Variants in SIPA1L2 observed in about 807,000 individuals in gnomAD.
SIPA1L2 encodes signal induced proliferation associated 1 like 2.
Under a neutral mutation model 163.9 loss-of-function variants are expected in SIPA1L2, and 56 were observed. That is an observed-to-expected ratio of 0.34 (90% CI 0.28 to 0.43). SIPA1L2 has a LOEUF of 0.43. Ranked by LOEUF, SIPA1L2 falls within the 20% of genes least tolerant of loss-of-function variation. SIPA1L2 has a pLI of 1.00. For synonymous variants in SIPA1L2, 877 were observed against 865.7 expected, an observed-to-expected ratio of 1.01 and a Z score of -0.23; for missense variants, 1,974 against 2,193.5, an observed-to-expected ratio of 0.90 and a Z score of 2.00.
In SIPA1L2 at chr1:232,538,789, G is replaced by C. The variant is rs138578421; in HGVS notation, c.-269-23181C>G. Among the ~76,000 whole-genome samples, 3 of 152,172 alleles carry C rather than the reference G, an allele frequency of 2.0e-5. No individual in the cohort carries two copies. The East Asian group carries it at 5.8e-4, about 29-fold the overall frequency. On this transcript the variant is annotated intron_variant, in intron 2 of 22. Transcript: ENST00000674635. ...CATGAAGGTACAATTTGAGTAGAGA[G>C]CTCAAAATTTCCCAACCATCAAGAA...
At chr1:232,622,110 T>C (rs1476829687) in intron 1 of SIPA1L2, among the ~76,000 whole-genome samples, 2 of 152,250 alleles carry the variant, frequency 1.3e-5, no homozygotes, top group African/African-American at 2.4e-5. Flanking sequence ...GGTTGATAAA[T>C]TGGATGCTTC....
Position 232,490,965 on chromosome 1 carries a change from T to C in SIPA1L2, c.1715A>G (p.Tyr572Cys). Reference sequence around the variant, plus strand: ...CTGAATGCTCAGCTCTGGAATGACGTATTCCAAAACTTCTTTGAGAGGTAG... The same window carrying C: ...CTGAATGCTCAGCTCTGGAATGACGCATTCCAAAACTTCTTTGAGAGGTAG... ...RGLPLKEVLE[Y>C]VIPELSIQCL... is the part of the protein sequence containing the mutation. The change falls in exon 5 of 23, where the codon TAC becomes TGC. Residue 572 changes from tyrosine to cysteine, a missense_variant. Physicochemically the swap from Tyr to Cys is radical, Grantham distance 194. Transcript: ENST00000674635. 1 of 1,614,172 alleles carries C rather than the reference T, an allele frequency of 6.2e-7. No individual in the cohort carries two copies. The highest frequency in any genetic ancestry group is 1.7e-5 in the Admixed American group (1 of 60,030).
chr1:232,547,128 GA>G (rs1244844037), intron 2 of SIPA1L2, among the ~76,000 whole-genome samples: 1 of 152,152 alleles, frequency 6.6e-6, no homozygotes, highest in African/African-American at 2.4e-5. Flanking sequence ...GAGGGTGGGA[GA>G]AAACTTTTCA....
At chr1:232,610,197 T>C (rs1203452152) in intron 1 of SIPA1L2, among the ~76,000 whole-genome samples, 1 of 152,242 alleles carries the variant, frequency 6.6e-6, no homozygotes, top group African/African-American at 2.4e-5. Context: ...TCTCTTCATG[T>C]TTTTTTAATA....
At chr1:232,462,273 G>A in intron 9 of SIPA1L2, 1 of 1,550,584 alleles carries the variant, frequency 6.4e-7, no homozygotes, top group Non-Finnish European at 8.7e-7. Context: ...CCTATCTGTG[G>A]GAATTTCAAG....
intron 1 of SIPA1L2, among the ~76,000 whole-genome samples, chr1:232,608,010 G>C (rs184058016): frequency 7.7e-6 from 1 of 130,216 alleles, no homozygotes. Context: ...AGCCGAGATC[G>C]CACTCCAGCC....
At chr1:232,401,479 T>TCTTA (rs1660336664) in intron 22 of SIPA1L2, among the ~76,000 whole-genome samples, 1 of 152,198 alleles carries the variant, frequency 6.6e-6, no homozygotes, top group East Asian at 1.9e-4. Context: ...CTCCCACCAC[T>TCTTA]CTTAGCTCAT....
At chr1:232,461,868 G>A (rs765238884) in intron 9 of SIPA1L2, among the ~76,000 whole-genome samples, 3 of 152,184 alleles carry the variant, frequency 2.0e-5, no homozygotes, top group Non-Finnish European at 4.4e-5. Context: ...ATGCTTGCCT[G>A]AGTGGTGAGG....
intron 1 of SIPA1L2, among the ~76,000 whole-genome samples, chr1:232,595,725 C>A (rs1661225854): frequency 6.6e-6 from 1 of 152,182 alleles, no homozygotes; most frequent in African/African-American, 2.4e-5. Flanking sequence ...GTCTGTGCTA[C>A]AAATGACCAT....
intron 22 of SIPA1L2, among the ~76,000 whole-genome samples, chr1:232,400,754 G>A (rs1205869404): frequency 6.6e-6 from 1 of 151,886 alleles, no homozygotes; most frequent in Non-Finnish European, 1.5e-5. Flanking sequence ...TGACACTCTG[G>A]CCGTTCAGCC....
intron 3 of SIPA1L2, among the ~76,000 whole-genome samples, chr1:232,511,051 G>A (rs779472599): frequency 1.9e-4 from 29 of 152,064 alleles, no homozygotes; most frequent in Admixed American, 4.6e-4. Flanking sequence ...CCTTAATTAG[G>A]AAGCCTATCT....
intron 22 of SIPA1L2, among the ~76,000 whole-genome samples, chr1:232,400,220 C>A (rs576186642): frequency 6.6e-6 from 1 of 152,290 alleles, no homozygotes; most frequent in East Asian, 1.9e-4. Context: ...GAAGCAGCTG[C>A]AGCCCACCCT....
chr1:232,587,106 T>G (rs1334310275), intron 1 of SIPA1L2, among the ~76,000 whole-genome samples: 2 of 152,220 alleles, frequency 1.3e-5, no homozygotes, highest in African/African-American at 4.8e-5. Context: ...TTGACTAATC[T>G]TTATTATGAA....
intron 11 of SIPA1L2, among the ~76,000 whole-genome samples, 174 bp downstream of exon 11, chr1:232,445,355 A>G (rs182014949): frequency 1.6e-4 from 25 of 152,262 alleles, no homozygotes; most frequent in Admixed American, 1.3e-3. Flanking sequence ...TGGGGCCAGG[A>G]GAGTGCCCGA....
chr1:232,490,504 A>T (rs146521937), intron 5 of SIPA1L2, among the ~76,000 whole-genome samples: 45 of 152,292 alleles, frequency 3.0e-4, no homozygotes, highest in African/African-American at 1.1e-3. Context: ...TGTCAGCATG[A>T]TGCCTTCCAC....
rs1053130798 is a variant in SIPA1L2, at chr1:232,445,869, C to T, written c.3096-83G>A. On this transcript the variant is annotated intron_variant, in intron 10 of 22. Coordinates refer to ENST00000674635, the MANE Select transcript of SIPA1L2 (RefSeq NM_020808.5). ...GCTTACTCACAGCTGGGCCCCTCAA[C>T]ACACATCACATGGTGTGTGCCTCTC... The T allele has an allele frequency of 5.3e-6, 8 of 1,499,732 alleles. No individual in the cohort carries two copies. The African/African-American group carries it at 5.5e-5, about 10-fold the overall frequency. The allele number at this position is 1,499,732 out of a possible 1,614,324, so 92.9% of individuals were successfully genotyped here. A position where few individuals can be genotyped will look rare whatever the true frequency, so the allele number is the denominator to read the frequency against.
intron 3 of SIPA1L2, among the ~76,000 whole-genome samples, chr1:232,499,517 G>A: frequency 6.6e-6 from 1 of 152,224 alleles, no homozygotes; most frequent in East Asian, 1.9e-4. Context: ...CAGAGGTGAG[G>A]AAGGTGCAGA....
At chr1:232,587,321 T>C (rs1175260734) in intron 1 of SIPA1L2, among the ~76,000 whole-genome samples, 2 of 151,960 alleles carry the variant, frequency 1.3e-5, no homozygotes, top group Non-Finnish European at 2.9e-5. Context: ...CCCACACGTC[T>C]ATCACCACAC....
At chr1:232,423,237 AG>A (rs1572874551) in intron 18 of SIPA1L2, among the ~76,000 whole-genome samples, 1 of 152,240 alleles carries the variant, frequency 6.6e-6, no homozygotes, top group East Asian at 1.9e-4. Flanking sequence ...TCAGTAGGTT[AG>A]GTCGCCATAT....
Sources: allele counts gnomAD v4.1 joint callset (sites outside exome capture counted in the v4.1 genomes callset), GRCh38; gene constraint gnomAD v4.1.1; transcripts MANE v1.5; gene names NCBI Gene and HGNC (gene_info 2026-07-23, HGNC 2026-07-21).